Variants in FMN1 observed in about 807,000 individuals in gnomAD.
FMN1 encodes the protein formin-1.
In FMN1, 110 loss-of-function variants were observed where a neutral mutation model predicts 132.4. The ratio of observed to expected loss-of-function variants is 0.83; its 90% CI spans 0.71 to 0.97. The LOEUF (loss-of-function observed/expected upper bound fraction) is 0.97, where lower values mean the gene tolerates loss of function less well. Ranked by LOEUF, FMN1 falls within the 50% of genes least tolerant of loss-of-function variation. FMN1 has a pLI of 0.00. For missense variants in FMN1, 1,792 were observed against 1,705.3 expected, an observed-to-expected ratio of 1.05 and a Z score of -0.90; for synonymous variants, 722 against 651.7, an observed-to-expected ratio of 1.11 and a Z score of -1.64.
chr15:32,973,542 A>G (rs886508246), intron 7 of FMN1, among the ~76,000 whole-genome samples: 14 of 152,038 alleles, frequency 9.2e-5, no homozygotes, highest in Admixed American at 1.3e-4. Flanking sequence ...ATCTTTCTGG[A>G]TCACTAAAAT....
At position 32,771,299 on chromosome 15, in the gene FMN1, C is replaced by G. The variant is rs1000987304; in HGVS notation, c.*3011G>C. ...TTCACCGTGTTAGCCAGGATGGTCTCAATCTCCTGACCTCGTGATCCGCCC... is the reference window on the plus strand; with the variant it reads ...TTCACCGTGTTAGCCAGGATGGTCTGAATCTCCTGACCTCGTGATCCGCCC... On this transcript the variant is annotated 3_prime_UTR_variant, in exon 21 of 21. Coordinates refer to ENST00000616417, the MANE Select transcript of FMN1 (RefSeq NM_001277313.2). The G allele has an allele frequency of 2.0e-5, 3 of 151,794 alleles. No individual in the cohort carries two copies. The highest frequency in any genetic ancestry group is 2.0e-4 in the Admixed American group (3 of 15,252). The allele number at this position is 151,794 out of a possible 1,614,324, so 9.4% of individuals were successfully genotyped here. A position where few individuals can be genotyped will look rare whatever the true frequency, so the allele number is the denominator to read the frequency against.
At chr15:32,953,898 C>G (rs2061706774) in intron 9 of FMN1, among the ~76,000 whole-genome samples, 1 of 152,202 alleles carries the variant, frequency 6.6e-6, no homozygotes, top group Non-Finnish European at 1.5e-5. Context: ...AGGTAAAAAT[C>G]TAAATTCACT....
intron 8 of FMN1, among the ~76,000 whole-genome samples, chr15:32,966,792 C>A (rs2031281036): frequency 1.3e-5 from 2 of 152,212 alleles, no homozygotes; most frequent in Non-Finnish European, 2.9e-5. Flanking sequence ...CCTCTAGTTG[C>A]ACAAAATATT....
intron 7 of FMN1, among the ~76,000 whole-genome samples, chr15:32,997,366 C>CTT (rs1348703550): frequency 6.7e-6 from 1 of 149,422 alleles, no homozygotes; most frequent in Non-Finnish European, 1.5e-5. Flanking sequence ...GCAGATCATC[C>CTT]TTTATTCCTA....
At chr15:32,912,276 T>C (rs1031253480) in intron 10 of FMN1, among the ~76,000 whole-genome samples, 1 of 152,214 alleles carries the variant, frequency 6.6e-6, no homozygotes, top group African/African-American at 2.4e-5. Flanking sequence ...CAGATGGTAT[T>C]GTCAGCTGTG....
rs376811751 is a variant in FMN1 at position 33,075,130 on chromosome 15, T to C, written c.2044-10056A>G. On this transcript the variant is annotated intron_variant, in intron 5 of 20. Transcript: ENST00000616417. The stretch of plus-strand genomic sequence containing the variant: ...TGGGGCAAGTTATATATAAGCTCCC[T>C]GTGCTGCAGCTCCCTCACCTGGAAA... 5.6e-3 allele frequency among the ~76,000 whole-genome samples: 849 copies of C among 150,818 alleles called. 12 individuals carry two copies. The highest frequency in any genetic ancestry group is 0.02 in the African/African-American group (823 of 41,032).
intron 6 of FMN1, among the ~76,000 whole-genome samples, chr15:33,044,998 AAGG>A (rs1251625478): frequency 2.0e-5 from 3 of 152,210 alleles, no homozygotes; most frequent in Non-Finnish European, 4.4e-5. Flanking sequence ...TGTGGGTGAC[AAGG>A]AGGAGAGAAA....
In FMN1 at chr15:33,078,797, GGAGA is replaced by G. The variant is rs376480199; in HGVS notation, c.2043+9998_2043+10001del. 2.0e-5 allele frequency among the ~76,000 whole-genome samples: 3 copies of G among 152,040 alleles called. No homozygotes were observed. In the South Asian group the frequency reaches 6.2e-4, roughly 32 times the overall value. On this transcript the variant is annotated intron_variant, in intron 5 of 20. Coordinates refer to ENST00000616417, the MANE Select transcript of FMN1 (RefSeq NM_001277313.2). ...AACCACAAATTCCCACCTTCATCCTGGAGAGAGAGAGGAAAAAAATGCTTTTTTG... is the reference window on the plus strand; with the variant it reads ...AACCACAAATTCCCACCTTCATCCTGGAGAGAGGAAAAAAATGCTTTTTTG...
rs768822609 is a variant in FMN1 at position 33,125,691 on chromosome 15, TAGTC to T, written c.1867+27353_1867+27356del. Reference sequence around the variant, plus strand: ...CTCGTCTCTACTAAAATACAAAAATTAGTCAGGTGTCTCAAAAAAAAAAAAAAAT... The same window carrying T: ...CTCGTCTCTACTAAAATACAAAAATTAGGTGTCTCAAAAAAAAAAAAAAAT... On this transcript the variant is annotated intron_variant, in intron 4 of 20. Transcript: ENST00000616417. Among the ~76,000 whole-genome samples the T allele has an allele frequency of 5.8e-4, 76 of 130,856 alleles. 1 individual carries two copies. Among genetic ancestry groups the T allele is most frequent in the African/African-American group, 1.3e-3 (41 of 32,510 alleles). 85.8% of individuals were successfully genotyped at this position (130,856 alleles called of 152,430 possible).
chr15:33,124,579 G>C (rs888589363), intron 4 of FMN1, among the ~76,000 whole-genome samples: 1 of 152,096 alleles, frequency 6.6e-6, no homozygotes, highest in Non-Finnish European at 1.5e-5. Context: ...AAAGCCCTTG[G>C]TCTTCACCAT....
intron 9 of FMN1, among the ~76,000 whole-genome samples, chr15:32,957,295 GTTCTTTTTT>G (rs1409789164): frequency 1.3e-5 from 1 of 74,106 alleles, no homozygotes; most frequent in East Asian, 6.6e-4. Flanking sequence ...TATCAGAGCA[GTTCTTTTTT>G]TTTTTTTTTT....
chr15:32,803,131 T>C (rs1156782322), intron 18 of FMN1, among the ~76,000 whole-genome samples: 3 of 152,038 alleles, frequency 2.0e-5, no homozygotes, highest in Admixed American at 6.6e-5. Context: ...AGGAGGAAAA[T>C]GGTTAATTTC....
At position 33,031,273 on chromosome 15, in the gene FMN1, T is replaced by A. The variant is rs77757223; in HGVS notation, c.2162-23198A>T. On this transcript the variant is annotated intron_variant, in intron 6 of 20. Coordinates refer to ENST00000616417, the MANE Select transcript of FMN1 (RefSeq NM_001277313.2). ...GTCCATCGAGGAAGACAAAAAACCA[T>A]CATGATACACAAGCCTAAGCTTTCT... Among the ~76,000 whole-genome samples the A allele has an allele frequency of 2.2e-3, 330 of 152,176 alleles. 1 individual carries two copies. Among genetic ancestry groups the A allele is most frequent in the African/African-American group, 7.7e-3 (318 of 41,512 alleles).
Position 33,065,006 on chromosome 15 carries a change from TG to T in FMN1, c.2111del (p.Pro704GlnfsTer12), listed in dbSNP as rs1191967500. The T allele has an allele frequency of 1.2e-6, 2 of 1,612,394 alleles. No homozygotes were observed. Among genetic ancestry groups the T allele is most frequent in the South Asian group, 1.1e-5 (1 of 90,596 alleles). On this transcript the variant is annotated frameshift_variant, in exon 6 of 21. Transcript: ENST00000616417. LOFTEE classifies it high-confidence loss of function. Reference sequence around the variant, plus strand: ...CTTTTTCTTCTGTGTCTTTTGTCTTTGGGGGTGGCCAGACAGCTTGAAGTCT... The same window carrying T: ...CTTTTTCTTCTGTGTCTTTTGTCTTTGGGGTGGCCAGACAGCTTGAAGTCT... ...PGRLQAVWPP[P>X]KTKDTEEKVG...
chr15:33,018,056 C>G (rs527273779), intron 6 of FMN1, among the ~76,000 whole-genome samples: 1 of 126,530 alleles, frequency 7.9e-6, no homozygotes, highest in East Asian at 2.0e-4. Context: ...CAGAGCGACA[C>G]TACCTCTCAA....
chr15:33,056,640 G>T (rs778613458), intron 6 of FMN1, among the ~76,000 whole-genome samples: 2 of 152,154 alleles, frequency 1.3e-5, no homozygotes, highest in African/African-American at 2.4e-5. Context: ...AATACATAAA[G>T]AGGCAGCCTT....
chr15:32,935,513 C>G (rs921872604), intron 9 of FMN1, among the ~76,000 whole-genome samples: 2 of 152,162 alleles, frequency 1.3e-5, no homozygotes, highest in African/African-American at 2.4e-5. Flanking sequence ...CGCCAGATAT[C>G]TGACCATTAT....
At position 32,901,900 on chromosome 15, in the gene FMN1, A is replaced by G. The variant is rs775060742; in HGVS notation, c.3507+11T>C. On this transcript the variant is annotated intron_variant, in intron 13 of 20. Transcript: ENST00000616417. ...AGCAAGGCTATCTTTTAAATTAGAC[A>G]GTAAACATACCTTAGAAGCTCGCGT... The G allele has an allele frequency of 1.3e-6, 2 of 1,596,228 alleles. No homozygotes were observed. The highest frequency in any genetic ancestry group is 1.7e-6 in the Non-Finnish European group (2 of 1,174,234).
chr15:32,888,296 A>C lies in FMN1; in HGVS notation c.3715-4T>G, dbSNP rs1307016479. ...CACTCTTTTCTGTTCCAGCTTCCTA[A>C]GAGATATGGTAAACAAAAGTACATT... is the stretch of plus-strand genomic sequence containing the variant. On this transcript the variant is annotated splice_region_variant and splice_polypyrimidine_tract_variant and intron_variant, in intron 15 of 20. Transcript: ENST00000616417. The C allele has an allele frequency of 1.2e-6, 2 of 1,605,792 alleles. No individual in the cohort carries two copies. The highest frequency in any genetic ancestry group is 2.7e-5 in the African/African-American group (2 of 74,398).
Sources: allele counts gnomAD v4.1 joint callset (sites outside exome capture counted in the v4.1 genomes callset), GRCh38; gene constraint gnomAD v4.1.1; transcripts MANE v1.5; gene names NCBI Gene and HGNC (gene_info 2026-07-23, HGNC 2026-07-21).